PBX2: variants seen among roughly 807,000 people sequenced by gnomAD.
PBX2 encodes the protein PBX homeobox 2.
A neutral mutation model predicts 46.5 loss-of-function variants in PBX2; 10 were observed. The ratio of observed to expected loss-of-function variants is 0.21; its 90% confidence interval spans 0.13 to 0.36. The LOEUF (loss-of-function observed/expected upper bound fraction) is 0.36. Ranked by LOEUF, PBX2 falls within the 10% of genes least tolerant of loss-of-function variation. The pLI, the probability that PBX2 is intolerant of heterozygous loss-of-function variation, is 1.00. For missense variants in PBX2, 392 were observed against 580.5 expected (o/e 0.68, Z 3.34); for synonymous variants, 160 against 222.5 (o/e 0.72, Z 2.50).
Position 32,189,522 on chromosome 6 carries a change from G to T in PBX2, c.221+173C>A, listed in dbSNP as rs573365680. Among the ~76,000 whole-genome samples the T allele has an allele frequency of 6.6e-6, 1 of 152,044 alleles. No homozygotes were observed. The highest frequency in any genetic ancestry group is 1.5e-5 in the Non-Finnish European group (1 of 67,978). On this transcript the variant is annotated intron_variant, in intron 1 of 8. Coordinates refer to ENST00000375050, the MANE Select transcript of PBX2 (RefSeq NM_002586.5). This position sits in a 1 kb window ranked among gnomAD's most constrained non-coding sequence, Gnocchi z 4.7. ...TCTGTGAAGGTTTCAGGGCCTGGGG[G>T]TGAAGGGAGGTTTGAGAGGGATCAC...
Position 32,187,789 on chromosome 6 carries a change from A to G in PBX2, c.735-7T>C, listed in dbSNP as rs1787209710. On this transcript the variant is annotated splice_polypyrimidine_tract_variant and splice_region_variant and intron_variant, in intron 4 of 8. Transcript: ENST00000375050. This position sits in a 1 kb window ranked among gnomAD's most constrained non-coding sequence, Gnocchi z 7.7. The stretch of plus-strand genomic sequence containing the variant: ...GAAGTTACGGCGCTTTCGTCTACAG[A>G]GGAGGGAGAAGAGCAGTGAGGAGGA... The G allele has an allele frequency of 1.2e-6, 2 of 1,612,326 alleles. No individual in the cohort carries two copies. The highest frequency in any genetic ancestry group is 8.5e-7 in the Non-Finnish European group (1 of 1,179,666).
In PBX2 at chr6:32,188,781, G is replaced by C; in HGVS notation, c.237C>G (p.Asn79Lys). 6.2e-7 allele frequency: 1 copy of C among 1,613,020 alleles called. No individual in the cohort carries two copies. The highest frequency in any genetic ancestry group is 8.5e-7 in the Non-Finnish European group (1 of 1,180,020). The change falls in exon 2 of 9, where the codon AAC becomes AAG. Residue 79 changes from asparagine (N) to lysine (K), a missense_variant. Around this residue, in one of 3 missense-constraint regions of PBX2, gnomAD observed 196 missense variants for 246.9 expected, o/e 0.79. Transcript: ENST00000375050. The surrounding 1 kb of genome is among the most constrained non-coding windows in gnomAD (Gnocchi z 6.5). Reference protein sequence around the residue: ...DEAQAKKHALNCHRMKPALFS... With the variant: ...DEAQAKKHALKCHRMKPALFS... ...AGAGAGCAGGCTTCATTCGGTGGCA[G>C]TTTAGGGCGTGTTTCCTTGGGAGGA...
At position 32,189,605 on chromosome 6, in the gene PBX2, C is replaced by T; in HGVS notation, c.221+90G>A. 1.1e-6 allele frequency: 1 copy of T among 932,012 alleles called. No individual in the cohort carries two copies. The highest frequency in any genetic ancestry group is 1.5e-5 in the South Asian group (1 of 68,564). 57.7% of individuals were successfully genotyped at this position (932,012 alleles called of 1,614,324 possible). Reference sequence around the variant, plus strand: ...GAGAGCTGTTGGATCCTGGAGAGGGCCCTGGAGTTGGGGGGGGCTCCCAGA... The same window carrying T: ...GAGAGCTGTTGGATCCTGGAGAGGGTCCTGGAGTTGGGGGGGGCTCCCAGA... On this transcript the variant is annotated intron_variant, in intron 1 of 8. Transcript: ENST00000375050. This position sits in a 1 kb window ranked among gnomAD's most constrained non-coding sequence, Gnocchi z 4.7.
At position 32,186,530 on chromosome 6, in the gene PBX2, G is replaced by A; in HGVS notation, c.1201-56C>T. ...AGAAAGCCCTGGGAACCCTGTGTGG[G>A]CACAACATTACTAGGGAAAATGCCC... On this transcript the variant is annotated intron_variant, in intron 8 of 8. Transcript: ENST00000375050. This position sits in a 1 kb window ranked among gnomAD's most constrained non-coding sequence, Gnocchi z 4.2. 3.2e-6 allele frequency: 5 copies of A among 1,574,008 alleles called. No individual in the cohort carries two copies. Among genetic ancestry groups the A allele is most frequent in the Non-Finnish European group, 4.4e-6 (5 of 1,143,558 alleles).
chr6:32,187,586 C>G lies in PBX2; in HGVS notation c.870+61G>C. 1 of 1,547,244 alleles carries G rather than the reference C, an allele frequency of 6.5e-7. No individual in the cohort carries two copies. ...TAGCTGGGATTACAGGAACACACCA[C>G]TGCACCTAGCTGAGATGCGTGCACT... On this transcript the variant is annotated intron_variant, in intron 5 of 8. Transcript: ENST00000375050. This position sits in a 1 kb window ranked among gnomAD's most constrained non-coding sequence, Gnocchi z 7.7.
chr6:32,187,148 G>A lies in PBX2; in HGVS notation c.1024+94C>T, dbSNP rs1473164316. 2 of 1,493,364 alleles carry A rather than the reference G, an allele frequency of 1.3e-6. No individual in the cohort carries two copies. The highest frequency in any genetic ancestry group is 1.4e-5 in the African/African-American group (1 of 72,606). 92.5% of individuals were successfully genotyped at this position (1,493,364 alleles called of 1,614,324 possible). ...CAGCTCGGTCCCTCTCACCCCAAAA[G>A]GCCCCCTCTCTGCTATGATCCTGCC... On this transcript the variant is annotated intron_variant, in intron 6 of 8. Coordinates refer to ENST00000375050, the MANE Select transcript of PBX2 (RefSeq NM_002586.5). The surrounding 1 kb of genome is among the most constrained non-coding windows in gnomAD (Gnocchi z 7.7).
In PBX2 at chr6:32,189,757, G is replaced by C; in HGVS notation, c.159C>G (p.Ile53Met). The C allele has an allele frequency of 6.2e-7, 1 of 1,606,952 alleles. No individual in the cohort carries two copies. Among genetic ancestry groups the C allele is most frequent in the Non-Finnish European group, 8.5e-7 (1 of 1,177,054 alleles). The change falls in exon 1 of 9, where the codon ATC becomes ATG. Residue 53 changes from isoleucine (I) to methionine (M), a missense_variant. Ile to Met is a conservative substitution (Grantham distance 10). Coordinates refer to ENST00000375050, the MANE Select transcript of PBX2 (RefSeq NM_002586.5). This position sits in a 1 kb window ranked among gnomAD's most constrained non-coding sequence, Gnocchi z 4.7. ...TCATTATCTGCTGCAGAATGTCCCC[G>C]ATGTCTTGCTTCCCTCGGCCTCCCG... ...GVPGGRGKQDIGDILQQIMTI... is the reference protein window; with the variant it reads ...GVPGGRGKQDMGDILQQIMTI...
In PBX2 at chr6:32,187,876, A is replaced by G. The variant is rs1459527937; in HGVS notation, c.734+90T>C. The G allele has an allele frequency of 2.6e-6, 4 of 1,553,432 alleles. No individual in the cohort carries two copies. The African/African-American group carries it at 4.1e-5, about 16-fold the overall frequency. ...CCCAGAGTCACCATTGTCATGGAGT[A>G]CCATGTTGTGCAGCATGGCAGCTCA... On this transcript the variant is annotated intron_variant, in intron 4 of 8. Transcript: ENST00000375050. This position sits in a 1 kb window ranked among gnomAD's most constrained non-coding sequence, Gnocchi z 7.7.
Position 32,189,006 on chromosome 6 carries a change from A to C in PBX2, c.222-210T>G, listed in dbSNP as rs1044448847. 1 of 579,784 alleles carries C rather than the reference A, an allele frequency of 1.7e-6. No individual in the cohort carries two copies. Among genetic ancestry groups the C allele is most frequent in the African/African-American group, 1.9e-5 (1 of 53,632 alleles). 35.9% of individuals were successfully genotyped at this position (579,784 alleles called of 1,614,324 possible). A position where few individuals can be genotyped will look rare whatever the true frequency, so the allele number is the denominator to read the frequency against. On this transcript the variant is annotated intron_variant, in intron 1 of 8. Coordinates refer to ENST00000375050, the MANE Select transcript of PBX2 (RefSeq NM_002586.5). The surrounding 1 kb of genome is among the most constrained non-coding windows in gnomAD (Gnocchi z 4.7). ...TCCTCAGCTTCAGGGAGACACAGGG[A>C]AGATGCAGGCAGCAGGTTAAAGGCT... is the stretch of plus-strand genomic sequence containing the variant.
In PBX2 at chr6:32,185,439, CA is replaced by C. The variant is rs1481062836; in HGVS notation, c.*942del. 1 of 151,868 alleles carries C rather than the reference CA, an allele frequency of 6.6e-6. No individual in the cohort carries two copies. Among genetic ancestry groups the C allele is most frequent in the African/African-American group, 2.4e-5 (1 of 41,306 alleles). 9.4% of individuals were successfully genotyped at this position (151,868 alleles called of 1,614,324 possible). A position where few individuals can be genotyped will look rare whatever the true frequency, so the allele number is the denominator to read the frequency against. On this transcript the variant is annotated 3_prime_UTR_variant, in exon 9 of 9. Coordinates refer to ENST00000375050, the MANE Select transcript of PBX2 (RefSeq NM_002586.5). ...ACTTCCTGATGGACAGGCCTGGAGC[CA>C]GGGGGGCCTCTTTACCAGTTCTGTT...
chr6:32,189,076 G>A lies in PBX2; in HGVS notation c.222-280C>T, dbSNP rs1182429354. ...CTAGAAAGGTAGGAGGAGGAATCTG[G>A]GAGTGGATGGAGAAAGGAAAGTGAC... On this transcript the variant is annotated intron_variant, in intron 1 of 8. Coordinates refer to ENST00000375050, the MANE Select transcript of PBX2 (RefSeq NM_002586.5). The surrounding 1 kb of genome is among the most constrained non-coding windows in gnomAD (Gnocchi z 4.7). 13 of 524,930 alleles carry A rather than the reference G, an allele frequency of 2.5e-5. No homozygotes were observed. The highest frequency in any genetic ancestry group is 4.5e-5 in the Non-Finnish European group (13 of 291,722). The allele number at this position is 524,930 out of a possible 1,614,324, so 32.5% of individuals were successfully genotyped here.
chr6:32,186,969 A>G lies in PBX2; in HGVS notation c.1025-68T>C. The G allele has an allele frequency of 7.4e-7, 1 of 1,353,716 alleles. No individual in the cohort carries two copies. The highest frequency in any genetic ancestry group is 1.2e-5 in the South Asian group (1 of 85,130). The allele number at this position is 1,353,716 out of a possible 1,614,324, so 83.9% of individuals were successfully genotyped here. ...GGTAGAGGATGAACCACAACTCTCAACTCTTGTGGGGACATGCTACTATAC... is the reference window on the plus strand; with the variant it reads ...GGTAGAGGATGAACCACAACTCTCAGCTCTTGTGGGGACATGCTACTATAC... On this transcript the variant is annotated intron_variant, in intron 6 of 8. Transcript: ENST00000375050. The surrounding 1 kb of genome is among the most constrained non-coding windows in gnomAD (Gnocchi z 4.2).
chr6:32,187,239 C>T lies in PBX2; in HGVS notation c.1024+3G>A, dbSNP rs771379661. On this transcript the variant is annotated splice_donor_region_variant and intron_variant, in intron 6 of 8. Coordinates refer to ENST00000375050, the MANE Select transcript of PBX2 (RefSeq NM_002586.5). The surrounding 1 kb of genome is among the most constrained non-coding windows in gnomAD (Gnocchi z 7.7). ...AGTCAGCCGGGGTGACAGTGGGATC[C>T]ACCTGCAGAGGAAGGGGGTGTCGGG... 1.9e-6 allele frequency: 3 copies of T among 1,612,590 alleles called. No homozygotes were observed. Among genetic ancestry groups the T allele is most frequent in the East Asian group, 2.2e-5 (1 of 44,896 alleles).
rs199649514 is a variant in PBX2, at chr6:32,188,706, G to A, written c.295+17C>T. On this transcript the variant is annotated intron_variant, in intron 2 of 8. Transcript: ENST00000375050. This position sits in a 1 kb window ranked among gnomAD's most constrained non-coding sequence, Gnocchi z 6.5. The stretch of plus-strand genomic sequence containing the variant: ...TTCTGTTCCCAGAGTTGAGCAATCC[G>A]GGGGGGGCCCACATACCAGTTTTCT... 2.9e-4 allele frequency: 469 copies of A among 1,590,368 alleles called. 2 individuals carry two copies. Among genetic ancestry groups the A allele is most frequent in the Non-Finnish European group, 3.2e-4 (373 of 1,163,814 alleles).
In PBX2 at chr6:32,188,824, G is replaced by A. The variant is rs1212919311; in HGVS notation, c.222-28C>T. On this transcript the variant is annotated intron_variant, in intron 1 of 8. Coordinates refer to ENST00000375050, the MANE Select transcript of PBX2 (RefSeq NM_002586.5). The surrounding 1 kb of genome is among the most constrained non-coding windows in gnomAD (Gnocchi z 6.5). ...TGGGAGGAGTGGGAGTGGGGAAAGA[G>A]AAAAGTTGAGGAGCTAGAGAAACAG... is the stretch of plus-strand genomic sequence containing the variant. 3.1e-6 allele frequency: 5 copies of A among 1,602,806 alleles called. No homozygotes were observed. The highest frequency in any genetic ancestry group is 4.3e-6 in the Non-Finnish European group (5 of 1,170,846).
At position 32,187,130 on chromosome 6, in the gene PBX2, G is replaced by T; in HGVS notation, c.1024+112C>A. ...GACATCTCCAGCCTATCTCAGCTCGGTCCCTCTCACCCCAAAAGGCCCCCT... is the reference window on the plus strand; with the variant it reads ...GACATCTCCAGCCTATCTCAGCTCGTTCCCTCTCACCCCAAAAGGCCCCCT... On this transcript the variant is annotated intron_variant, in intron 6 of 8. Coordinates refer to ENST00000375050, the MANE Select transcript of PBX2 (RefSeq NM_002586.5). This position sits in a 1 kb window ranked among gnomAD's most constrained non-coding sequence, Gnocchi z 7.7. The T allele has an allele frequency of 7.4e-7, 1 of 1,354,812 alleles. No individual in the cohort carries two copies. The highest frequency in any genetic ancestry group is 1.0e-6 in the Non-Finnish European group (1 of 975,390). 83.9% of individuals were successfully genotyped at this position (1,354,812 alleles called of 1,614,324 possible). A position where few individuals can be genotyped will look rare whatever the true frequency, so the allele number is the denominator to read the frequency against.
chr6:32,187,266 A>T lies in PBX2; in HGVS notation c.1000T>A (p.Ser334Thr), dbSNP rs762660661. Residue 334 changes from serine (S) to threonine (T), a missense_variant, in exon 6 of 9, where the codon TCC becomes ACC. By Grantham distance (58) the Ser-to-Thr change is moderately conservative. This residue lies in a region of PBX2 where 116 missense variants were observed against 157.9 expected (regional missense o/e 0.73). Coordinates refer to ENST00000375050, the MANE Select transcript of PBX2 (RefSeq NM_002586.5). This position sits in a 1 kb window ranked among gnomAD's most constrained non-coding sequence, Gnocchi z 7.7. ...VTQGGHSRTSSPTPPSSAGSG... is the reference protein window; with the variant it reads ...VTQGGHSRTSTPTPPSSAGSG... ...CCTGCAGAGGAAGGGGGTGTCGGGG[A>T]GCTGGTGCGGCTGTGGCCCCCCTGG... 2 of 1,612,936 alleles carry T rather than the reference A, an allele frequency of 1.2e-6. No individual in the cohort carries two copies. Among genetic ancestry groups the T allele is most frequent in the Non-Finnish European group, 1.7e-6 (2 of 1,180,014 alleles).
rs1277400257 is a variant in PBX2, at chr6:32,186,949, A to T, written c.1025-48T>A. On this transcript the variant is annotated intron_variant, in intron 6 of 8. Transcript: ENST00000375050. This position sits in a 1 kb window ranked among gnomAD's most constrained non-coding sequence, Gnocchi z 4.2. ...AGTGTAATAGAGCCCGTGATGGTAG[A>T]GGATGAACCACAACTCTCAACTCTT... The T allele has an allele frequency of 1.3e-6, 2 of 1,498,014 alleles. No homozygotes were observed. The highest frequency in any genetic ancestry group is 2.8e-5 in the African/African-American group (2 of 72,422). The allele number at this position is 1,498,014 out of a possible 1,614,324, so 92.8% of individuals were successfully genotyped here. A position where few individuals can be genotyped will look rare whatever the true frequency, so the allele number is the denominator to read the frequency against.
rs543554280 is a variant in PBX2, at chr6:32,186,993, A to G, written c.1025-92T>C. 86 of 1,187,364 alleles carry G rather than the reference A, an allele frequency of 7.2e-5. No individual in the cohort carries two copies. The highest frequency in any genetic ancestry group is 2.8e-4 in the Middle Eastern group (1 of 3,598). The allele number at this position is 1,187,364 out of a possible 1,614,324, so 73.6% of individuals were successfully genotyped here. On this transcript the variant is annotated intron_variant, in intron 6 of 8. Transcript: ENST00000375050. This position sits in a 1 kb window ranked among gnomAD's most constrained non-coding sequence, Gnocchi z 4.2. The stretch of plus-strand genomic sequence containing the variant: ...AACTCTTGTGGGGACATGCTACTAT[A>G]CTCCAATTATCCACAAAATAACATT...
Sources: gnomAD v4.1 joint callset for allele counts (sites outside exome capture counted in the v4.1 genomes callset) on GRCh38, gnomAD v4.1.1 for gene constraint, gnomAD v4.1.1 regional missense constraint, Gnocchi (gnomAD v3.1) non-coding constraint, MANE v1.5 for transcripts, NCBI Gene and HGNC (gene_info 2026-07-23, HGNC 2026-07-21) for gene names.